The following PCDH9 variants were observed in gnomAD, a reference collection of about 807,000 sequenced individuals.
The protein encoded by PCDH9 is protocadherin 9.
In PCDH9, 24 loss-of-function variants were observed where a neutral mutation model predicts 70.6. The ratio of observed to expected loss-of-function variants is 0.34; its 90% CI spans 0.25 to 0.48. PCDH9 has a LOEUF of 0.48. Among genes scored for constraint, PCDH9 ranks in the 20% least tolerant of loss-of-function variants. The pLI, the probability that PCDH9 is intolerant of heterozygous loss-of-function variation, is 0.99. For synonymous variants in PCDH9, 562 were observed against 558.5 expected, an observed-to-expected ratio of 1.01 and a Z score of -0.09; for missense variants, 1,281 against 1,503.6, an observed-to-expected ratio of 0.85 and a Z score of 2.45.
intron 4 of PCDH9, among the ~76,000 whole-genome samples, chr13:66,576,033 TA>T (rs914710392): frequency 1.0e-4 from 11 of 110,002 alleles, no homozygotes; most frequent in African/African-American, 3.7e-4. Context: ...TTAACCCAAA[TA>T]AAAAAGATCA....
intron 4 of PCDH9, among the ~76,000 whole-genome samples, chr13:66,308,936 A>C (rs999562293): frequency 3.9e-5 from 6 of 152,060 alleles, no homozygotes; most frequent in African/African-American, 1.4e-4. Context: ...TACATCAATC[A>C]ATCCATCAAT....
chr13:66,786,350 T>G (rs2080079553), intron 3 of PCDH9, among the ~76,000 whole-genome samples: 1 of 152,212 alleles, frequency 6.6e-6, no homozygotes, highest in South Asian at 2.1e-4. Flanking sequence ...TTATGCAAGC[T>G]GGCCCAATAC....
intron 4 of PCDH9, among the ~76,000 whole-genome samples, chr13:66,421,860 T>C (rs151165951): frequency 0.086 from 13,030 of 152,248 alleles, 686 homozygotes; most frequent in East Asian, 0.17. Context: ...AGGCACAGAC[T>C]GGCAAATTGG....
At chr13:66,455,897 T>C (rs17081323) in intron 4 of PCDH9, among the ~76,000 whole-genome samples, 2,776 of 152,194 alleles carry the variant, frequency 0.018, 75 homozygotes, top group African/African-American at 0.062. Flanking sequence ...TATTTTAGTC[T>C]AAAGGTAAGA....
chr13:66,447,596 T>A (rs1427490349), intron 4 of PCDH9, among the ~76,000 whole-genome samples: 1 of 152,164 alleles, frequency 6.6e-6, no homozygotes, highest in Non-Finnish European at 1.5e-5. Flanking sequence ...CTGGATTCTA[T>A]TTTGTCAGTC....
rs574001887 is a variant in PCDH9 at position 66,577,001 on chromosome 13, A to G, written c.3340+54209T>C. Reference sequence around the variant, plus strand: ...TACAAATACATATAATTATGAAGATATTATAACTGCTTGAATAAAAACAAC... The same window carrying G: ...TACAAATACATATAATTATGAAGATGTTATAACTGCTTGAATAAAAACAAC... On this transcript the variant is annotated intron_variant, in intron 4 of 4. Coordinates refer to ENST00000377865, the MANE Select transcript of PCDH9 (RefSeq NM_203487.3). Among the ~76,000 whole-genome samples the G allele has an allele frequency of 1.5e-3, 224 of 152,116 alleles. 2 individuals are homozygous for G. The highest frequency in any genetic ancestry group is 2.8e-3 in the Non-Finnish European group (189 of 67,966).
intron 3 of PCDH9, among the ~76,000 whole-genome samples, chr13:66,739,934 A>G (rs1034206654): frequency 1.3e-5 from 2 of 149,836 alleles, no homozygotes; most frequent in Non-Finnish European, 3.0e-5. Flanking sequence ...CAGATCAACG[A>G]GACAGAAAGT....
intron 4 of PCDH9, among the ~76,000 whole-genome samples, chr13:66,565,837 T>A (rs1566422432): frequency 6.6e-6 from 1 of 152,200 alleles, no homozygotes. Context: ...TTCATTGTTT[T>A]AACATCTCTC....
chr13:66,575,193 A>T (rs1420634484), intron 4 of PCDH9, among the ~76,000 whole-genome samples: 3 of 151,930 alleles, frequency 2.0e-5, no homozygotes, highest in Non-Finnish European at 4.4e-5. Context: ...ATACATATAT[A>T]TATATTTATT....
intron 2 of PCDH9, chr13:67,205,113 A>G (rs1249094355): frequency 6.6e-6 from 1 of 152,196 alleles, no homozygotes; most frequent in African/African-American, 2.4e-5. Context: ...TGCATATGCC[A>G]TGAGCTAAAA....
At chr13:67,025,294 T>G (rs964517681) in intron 2 of PCDH9, among the ~76,000 whole-genome samples, 12 of 152,272 alleles carry the variant, frequency 7.9e-5, no homozygotes, top group African/African-American at 2.6e-4. Context: ...ATTAGAATAC[T>G]GGACAAATAT....
At chr13:67,002,769 G>T (rs1220461778) in intron 2 of PCDH9, among the ~76,000 whole-genome samples, 1 of 151,836 alleles carries the variant, frequency 6.6e-6, no homozygotes, top group Non-Finnish European at 1.5e-5. Context: ...TTAATTAACA[G>T]TTTTATTTTG....
intron 4 of PCDH9, among the ~76,000 whole-genome samples, chr13:66,453,317 T>C (rs1285906451): frequency 6.6e-6 from 1 of 152,156 alleles, no homozygotes; most frequent in Non-Finnish European, 1.5e-5. Context: ...AAAAATCATC[T>C]CAAATCTAAC....
intron 2 of PCDH9, among the ~76,000 whole-genome samples, chr13:67,126,215 C>A (rs1466365539): frequency 6.6e-6 from 1 of 152,152 alleles, no homozygotes; most frequent in Non-Finnish European, 1.5e-5. Context: ...TTTAATTTAA[C>A]TATCTTAATC....
chr13:66,437,404 C>CAAAAAAAAAAAAAAAAAAAAAAAAA (rs66796123), intron 4 of PCDH9, among the ~76,000 whole-genome samples: 1 of 45,600 alleles, frequency 2.2e-5, no homozygotes, highest in African/African-American at 6.9e-5. Flanking sequence ...GACTCTGTCT[C>CAAAAAAAAAAAAAAAAAAAAAAAAA]AAAAAAAAAA....
At chr13:66,733,518 C>T (rs995265012) in intron 3 of PCDH9, among the ~76,000 whole-genome samples, 2 of 152,116 alleles carry the variant, frequency 1.3e-5, no homozygotes, top group African/African-American at 2.4e-5. Flanking sequence ...GTAGAATATA[C>T]GTTCATATGC....
chr13:66,654,611 C>T (rs550303910), intron 3 of PCDH9, among the ~76,000 whole-genome samples: 2 of 151,996 alleles, frequency 1.3e-5, no homozygotes, highest in South Asian at 4.2e-4. Flanking sequence ...TGTGTACACA[C>T]AAAAATTAAA....
intron 4 of PCDH9, among the ~76,000 whole-genome samples, chr13:66,317,642 T>A (rs1006043390): frequency 5.9e-5 from 9 of 152,182 alleles, no homozygotes; most frequent in African/African-American, 2.2e-4. Flanking sequence ...TAATTATTAG[T>A]AATTATTCTG....
chr13:66,442,357 T>G (rs979595621), intron 4 of PCDH9, among the ~76,000 whole-genome samples: 32 of 152,294 alleles, frequency 2.1e-4, no homozygotes, highest in African/African-American at 7.0e-4. Context: ...AAATGCATGT[T>G]ATCCCCTTTA....
Sources: allele counts gnomAD v4.1 joint callset (sites outside exome capture counted in the v4.1 genomes callset), GRCh38; gene constraint gnomAD v4.1.1; transcripts MANE v1.5; gene names NCBI Gene and HGNC (gene_info 2026-07-23, HGNC 2026-07-21).